The following SVOP variants were observed in gnomAD, a reference collection of about 807,000 sequenced individuals.
SVOP encodes the protein synaptic vesicle 2-related protein.
A neutral mutation model predicts 69.1 loss-of-function variants in SVOP; 17 were observed. The ratio of observed to expected loss-of-function variants is 0.25; its 90% CI spans 0.17 to 0.37. The LOEUF (loss-of-function observed/expected upper bound fraction) is 0.37, where lower values mean the gene tolerates loss of function less well. SVOP is among the 10% of genes least tolerant of loss of function. SVOP has a pLI of 1.00. For missense variants in SVOP, 435 were observed against 597.5 expected (o/e 0.73, Z 2.84); for synonymous variants, 238 against 238.6 (o/e 1.00, Z 0.02).
At chr12:108,932,282 G>A (rs1039536409) in intron 11 of SVOP, among the ~76,000 whole-genome samples, 1 of 151,918 alleles carries the variant, frequency 6.6e-6, no homozygotes, top group African/African-American at 2.4e-5. Context: ...CTCCCAAACC[G>A]CTAGGATTAT....
intron 2 of SVOP, among the ~76,000 whole-genome samples, chr12:108,982,773 C>CCATCATCATCAT (rs2040145873): frequency 6.7e-5 from 8 of 118,910 alleles, no homozygotes; most frequent in African/African-American, 2.7e-4. Flanking sequence ...ATCAACATCA[C>CCATCATCATCAT]CACCATCATC....
chr12:109,014,641 T>C (rs1449056332), intron 1 of SVOP, among the ~76,000 whole-genome samples: 1 of 152,232 alleles, frequency 6.6e-6, no homozygotes, highest in East Asian at 1.9e-4. Context: ...ATGGCTACAC[T>C]ATTTTATATT....
At chr12:108,954,060 C>T (rs929306389) in intron 6 of SVOP, among the ~76,000 whole-genome samples, 2 of 139,504 alleles carry the variant, frequency 1.4e-5, no homozygotes, top group African/African-American at 5.5e-5. Flanking sequence ...TGCAGTGAGC[C>T]GAGATATCAC....
chr12:108,944,130 C>T (rs1335853556), intron 7 of SVOP, among the ~76,000 whole-genome samples: 1 of 152,028 alleles, frequency 6.6e-6, no homozygotes, highest in Non-Finnish European at 1.5e-5. Flanking sequence ...ATCCAAACGC[C>T]CCGGCCTCCC....
At chr12:108,976,502 T>G (rs1439459494) in intron 4 of SVOP, among the ~76,000 whole-genome samples, 1 of 152,204 alleles carries the variant, frequency 6.6e-6, no homozygotes, top group Non-Finnish European at 1.5e-5. Context: ...GCATATATTG[T>G]ATGCAATGTA....
Position 108,927,945 on chromosome 12 carries a change from G to A in SVOP, c.1049-5148C>T, listed in dbSNP as rs899490014. 3.5e-5 allele frequency among the ~76,000 whole-genome samples: 5 copies of A among 144,538 alleles called. No individual in the cohort carries two copies. In the South Asian group the frequency reaches 8.7e-4, roughly 25 times the overall value. 94.8% of individuals were successfully genotyped at this position (144,538 alleles called of 152,430 possible). On this transcript the variant is annotated intron_variant, in intron 11 of 15. Coordinates refer to ENST00000610966, the MANE Select transcript of SVOP (RefSeq NM_018711.5). The stretch of plus-strand genomic sequence containing the variant: ...TTTTGAGAGAGAGTCTCATACCATC[G>A]CCCAGGTTGGAAAGCAGTGGTGCTA...
At chr12:108,950,564 G>A (rs2039949046) in intron 6 of SVOP, among the ~76,000 whole-genome samples, 2 of 151,908 alleles carry the variant, frequency 1.3e-5, no homozygotes, top group African/African-American at 4.8e-5. Flanking sequence ...TGTATTTTTT[G>A]TAGAGACAAG....
At chr12:108,987,347 G>C (rs900590662) in intron 1 of SVOP, among the ~76,000 whole-genome samples, 18 of 152,182 alleles carry the variant, frequency 1.2e-4, no homozygotes, top group Admixed American at 2.6e-4. Flanking sequence ...CCATTCATCT[G>C]TTGATGGACA....
intron 6 of SVOP, among the ~76,000 whole-genome samples, chr12:108,955,421 T>C (rs1035657762): frequency 6.6e-6 from 1 of 152,240 alleles, no homozygotes; most frequent in Non-Finnish European, 1.5e-5. Context: ...CCCAGATTTA[T>C]GGCTGCGGCT....
At position 108,922,721 on chromosome 12, in the gene SVOP, G is replaced by C; in HGVS notation, c.1125C>G (p.Asp375Glu). ...ACTCAGAGAGGGTGGTCCACAGCAAGTCCATGTAATCCTCCTCACTCAGGT... is the reference window on the plus strand; with the variant it reads ...ACTCAGAGAGGGTGGTCCACAGCAACTCCATGTAATCCTCCTCACTCAGGT... Reference protein sequence around the residue: ...CEYLSEEDYMDLLWTTLSEFP... With the variant: ...CEYLSEEDYMELLWTTLSEFP... The change falls in exon 12 of 16, where the codon GAC becomes GAG. Residue 375 changes from aspartate to glutamate, a missense_variant. Physicochemically the swap from Asp to Glu is conservative, Grantham distance 45. Transcript: ENST00000610966. 1 of 1,611,288 alleles carries C rather than the reference G, an allele frequency of 6.2e-7. No individual in the cohort carries two copies. The highest frequency in any genetic ancestry group is 8.5e-7 in the Non-Finnish European group (1 of 1,179,008).
At chr12:108,978,817 G>A (rs2040120421) in intron 2 of SVOP, among the ~76,000 whole-genome samples, 154 bp from the exon 3 acceptor site, 1 of 152,160 alleles carries the variant, frequency 6.6e-6, no homozygotes. Flanking sequence ...AGTGTGAAGT[G>A]ATATCCTACA....
intron 11 of SVOP, among the ~76,000 whole-genome samples, chr12:108,927,051 T>A (rs1254000116): frequency 3.9e-5 from 6 of 152,210 alleles, no homozygotes; most frequent in Non-Finnish European, 8.8e-5. Flanking sequence ...CTGTCTAGTA[T>A]AAAAGGTTGG....
chr12:109,015,531 G>A (rs10774618), intron 1 of SVOP, among the ~76,000 whole-genome samples: 57,606 of 152,022 alleles, frequency 0.38, 13,636 homozygotes, highest in East Asian at 0.66. Context: ...GTGAAATGGG[G>A]CCAGGCATGG....
At chr12:108,998,637 A>G (rs1317137008) in intron 1 of SVOP, among the ~76,000 whole-genome samples, 5 of 152,236 alleles carry the variant, frequency 3.3e-5, no homozygotes, top group Non-Finnish European at 7.3e-5. Context: ...ACAAGCCATA[A>G]GAGAGTGGGG....
In SVOP at chr12:108,972,455, A is replaced by C; in HGVS notation, c.403T>G (p.Ser135Ala). 1 of 1,537,250 alleles carries C rather than the reference A, an allele frequency of 6.5e-7. No homozygotes were observed. Among genetic ancestry groups the C allele is most frequent in the Non-Finnish European group, 8.7e-7 (1 of 1,146,904 alleles). The change falls in exon 5 of 16, where the codon TCC (serine) becomes GCC (alanine). Residue 135 changes from serine (S) to alanine (A), a missense_variant. Ser to Ala is a moderately conservative substitution (Grantham distance 99). Transcript: ENST00000610966. ...ATATTTCCCCAGAGCGTGGAGCTGG[A>C]CATCATGCCTACAAAGACCACCTGT... Reference protein sequence around the residue: ...LTSVVFVGMMSSSTLWGNISD... With the variant: ...LTSVVFVGMMASSTLWGNISD...
chr12:108,909,011 C>G lies in SVOP; in HGVS notation c.*3524G>C, dbSNP rs918448257. Reference sequence around the variant, plus strand: ...TGAAAGAAAACCTTTTATGACTGCTCCTTTCCCATTCTACCTTCTTTGAAA... The same window carrying G: ...TGAAAGAAAACCTTTTATGACTGCTGCTTTCCCATTCTACCTTCTTTGAAA... On this transcript the variant is annotated 3_prime_UTR_variant, in exon 16 of 16. Coordinates refer to ENST00000610966, the MANE Select transcript of SVOP (RefSeq NM_018711.5). 6.6e-6 allele frequency: 1 copy of G among 152,200 alleles called. No individual in the cohort carries two copies. The highest frequency in any genetic ancestry group is 1.9e-4 in the East Asian group (1 of 5,202). 9.4% of individuals were successfully genotyped at this position (152,200 alleles called of 1,614,324 possible).
At chr12:108,983,805 C>T (rs2040154377) in intron 1 of SVOP, 44 bp from the exon 2 acceptor site, 1 of 398,620 alleles carries the variant, frequency 2.5e-6, no homozygotes, top group Admixed American at 4.4e-5. Flanking sequence ...AAAGCTTCCC[C>T]CAAATGGCCT....
intron 11 of SVOP, among the ~76,000 whole-genome samples, chr12:108,927,843 G>A (rs946212482): frequency 8.6e-5 from 13 of 151,582 alleles, no homozygotes; most frequent in African/African-American, 2.4e-4. Flanking sequence ...TGATTCACCT[G>A]CCTCAGCCTC....
intron 14 of SVOP, among the ~76,000 whole-genome samples, 186 bp downstream of exon 14, chr12:108,917,857 G>A (rs2039723656): frequency 6.6e-6 from 1 of 151,920 alleles, no homozygotes; most frequent in Non-Finnish European, 1.5e-5. Context: ...TGTTGCTCAG[G>A]CTGGTCTCAA....
Sources: allele counts gnomAD v4.1 joint callset (sites outside exome capture counted in the v4.1 genomes callset), GRCh38; gene constraint gnomAD v4.1.1; transcripts MANE v1.5; gene names NCBI Gene and HGNC (gene_info 2026-07-23, HGNC 2026-07-21).